TRAPPC11: variants seen among roughly 807,000 people sequenced by gnomAD.
TRAPPC11 encodes trafficking protein particle complex subunit 11, also known as foie gras homolog.
Under a neutral mutation model 151.2 loss-of-function variants are expected in TRAPPC11, and 104 were observed. The observed-to-expected ratio is 0.69, with a 90% CI of 0.59 to 0.81. The LOEUF (loss-of-function observed/expected upper bound fraction) is 0.81. Ranked by LOEUF, TRAPPC11 falls within the 30% of genes least tolerant of loss-of-function variation. The pLI is 0.00. For missense variants in TRAPPC11, 1,230 were observed against 1,349.6 expected (o/e 0.91, Z 1.39); for synonymous variants, 456 against 472.3 (o/e 0.97, Z 0.45).
rs1735879493 is a variant in TRAPPC11, at chr4:183,684,781, T to C, written c.1507T>C (p.Ser503Pro). 2 of 1,613,792 alleles carry C rather than the reference T, an allele frequency of 1.2e-6. No homozygotes were observed. The highest frequency in any genetic ancestry group is 1.7e-6 in the Non-Finnish European group (2 of 1,179,712). Reference protein sequence around the residue: ...TSVLTTALKCSYLMAQLKDYI... With the variant: ...TSVLTTALKCPYLMAQLKDYI... ...TGTATTAACTACAGCTCTGAAGTGCTCCTACCTCATGGCCCAATTAAAGGA... is the reference window on the plus strand; with the variant it reads ...TGTATTAACTACAGCTCTGAAGTGCCCCTACCTCATGGCCCAATTAAAGGA... The change falls in exon 15 of 30, where the codon TCC becomes CCC. Residue 503 changes from serine (S) to proline (P), a missense_variant. Physicochemically the swap from Ser to Pro is moderately conservative, Grantham distance 74. Coordinates refer to ENST00000334690, the MANE Select transcript of TRAPPC11 (RefSeq NM_021942.6).
intron 28 of TRAPPC11, among the ~76,000 whole-genome samples, chr4:183,707,392 A>G (rs1404541931): frequency 1.3e-5 from 2 of 152,036 alleles, no homozygotes; most frequent in East Asian, 3.8e-4. Context: ...GTGTGTTTAG[A>G]TACATTTTGT....
intron 18 of TRAPPC11, among the ~76,000 whole-genome samples, chr4:183,686,951 C>T (rs1452616084): frequency 1.3e-5 from 2 of 152,100 alleles, no homozygotes; most frequent in Non-Finnish European, 2.9e-5. Flanking sequence ...GAGGCCGAGG[C>T]AGGCAGATCA....
intron 7 of TRAPPC11, 45 bp downstream of exon 7, chr4:183,675,282 C>A: frequency 8.3e-7 from 1 of 1,197,670 alleles, no homozygotes. Context: ...TTTATATTAA[C>A]AATAACATGT....
chr4:183,694,191 G>A (rs931379591), intron 22 of TRAPPC11, among the ~76,000 whole-genome samples, 153 bp downstream of exon 22: 1 of 152,148 alleles, frequency 6.6e-6, no homozygotes, highest in African/African-American at 2.4e-5. Flanking sequence ...TTTTACATAC[G>A]TAAATGTGTA....
chr4:183,666,903 A>G (rs1734911149), intron 3 of TRAPPC11, 157 bp from the exon 4 acceptor site: 9 of 556,258 alleles, frequency 1.6e-5, no homozygotes, highest in African/African-American at 3.7e-5. Flanking sequence ...ATTGTGACAT[A>G]TATGTGCTTT....
chr4:183,702,234 C>A (rs1736835866), intron 26 of TRAPPC11, among the ~76,000 whole-genome samples: 1 of 151,860 alleles, frequency 6.6e-6, no homozygotes, highest in African/African-American at 2.4e-5. Flanking sequence ...GTCCCAGCTA[C>A]TCAGGAGGCT....
intron 25 of TRAPPC11, among the ~76,000 whole-genome samples, chr4:183,700,060 T>C (rs1046038504): frequency 9.1e-4 from 138 of 152,088 alleles, no homozygotes; most frequent in Admixed American, 8.8e-3. Flanking sequence ...GATCTGCTCA[T>C]CTCAGCCTCC....
chr4:183,679,506 T>C lies in TRAPPC11; in HGVS notation c.965+20T>C. The C allele has an allele frequency of 1.3e-6, 2 of 1,558,038 alleles. No homozygotes were observed. Among genetic ancestry groups the C allele is most frequent in the African/African-American group, 1.4e-5 (1 of 72,582 alleles). On this transcript the variant is annotated intron_variant, in intron 9 of 29. Transcript: ENST00000334690. ...TAAACAGTATGTTTTACATTGTCCT[T>C]TTAGAATTTTTTAAAAATGATACAT...
intron 27 of TRAPPC11, among the ~76,000 whole-genome samples, chr4:183,706,295 G>A (rs959455402): frequency 6.6e-6 from 1 of 152,162 alleles, no homozygotes; most frequent in African/African-American, 2.4e-5. Flanking sequence ...AGGCCAAGGT[G>A]GGTGGATCAC....
chr4:183,682,314 C>T (rs1231559889), intron 10 of TRAPPC11, among the ~76,000 whole-genome samples: 1 of 152,140 alleles, frequency 6.6e-6, no homozygotes, highest in Non-Finnish European at 1.5e-5. Flanking sequence ...AATATTCCCC[C>T]ACAATAGCAA....
intron 28 of TRAPPC11, among the ~76,000 whole-genome samples, chr4:183,707,515 G>A (rs1737134144): frequency 6.6e-6 from 1 of 152,084 alleles, no homozygotes; most frequent in African/African-American, 2.4e-5. Context: ...CCATGCTTCA[G>A]TGAGAGTCCT....
At chr4:183,699,225 T>G (rs1375292482) in intron 25 of TRAPPC11, among the ~76,000 whole-genome samples, 2 of 152,178 alleles carry the variant, frequency 1.3e-5, no homozygotes, top group African/African-American at 4.8e-5. Flanking sequence ...GAACATATCT[T>G]TGGAACTTTT....
intron 8 of TRAPPC11, among the ~76,000 whole-genome samples, chr4:183,678,231 C>T (rs952869046): frequency 6.6e-6 from 1 of 152,090 alleles, no homozygotes; most frequent in African/African-American, 2.4e-5. Flanking sequence ...GCCACCACGC[C>T]CAGCCAGAGG....
intron 27 of TRAPPC11, chr4:183,705,862 T>C (rs1029824555): frequency 6.6e-6 from 1 of 152,236 alleles, no homozygotes; most frequent in African/African-American, 2.4e-5. Context: ...AAATACTTTA[T>C]CAAGAGAAAC....
intron 5 of TRAPPC11, among the ~76,000 whole-genome samples, chr4:183,671,623 G>A (rs1735162362): frequency 6.6e-6 from 1 of 152,180 alleles, no homozygotes. Context: ...CAAAATTCGG[G>A]AACACCCCTT....
chr4:183,661,441 C>T (rs182133325), intron 1 of TRAPPC11, among the ~76,000 whole-genome samples: 2 of 140,626 alleles, frequency 1.4e-5, no homozygotes, highest in South Asian at 2.3e-4. Context: ...GCGCGATCTC[C>T]GCTCACTGCA....
At chr4:183,663,733 G>GTTTTTT in intron 1 of TRAPPC11, 114 bp from the exon 2 acceptor site, 1 of 567,648 alleles carries the variant, frequency 1.8e-6, no homozygotes, top group Admixed American at 3.4e-5. Context: ...ATGAATATGA[G>GTTTTTT]TTGTTTTTTT....
intron 2 of TRAPPC11, among the ~76,000 whole-genome samples, chr4:183,665,502 A>G (rs548860259): frequency 3.3e-4 from 50 of 152,110 alleles, no homozygotes; most frequent in Non-Finnish European, 6.3e-4. Flanking sequence ...TCATTTCTCT[A>G]TTCCCAGCTT....
intron 5 of TRAPPC11, among the ~76,000 whole-genome samples, chr4:183,672,650 A>G (rs533149692): frequency 1.3e-5 from 2 of 152,324 alleles, no homozygotes; most frequent in Non-Finnish European, 2.9e-5. Context: ...GGTTAAAGCG[A>G]GGGAAAGATT....
Sources: allele counts gnomAD v4.1 joint callset (sites outside exome capture counted in the v4.1 genomes callset), GRCh38; gene constraint gnomAD v4.1.1; transcripts MANE v1.5; gene names NCBI Gene and HGNC (gene_info 2026-07-23, HGNC 2026-07-21).